Variants in MGAT5 observed in about 807,000 individuals in gnomAD.
MGAT5 encodes the protein alpha-1,6-mannosylglycoprotein 6-beta-N-acetylglucosaminyltransferase, also known as alpha-1,6-mannosylglycoprotein 6-beta-N-acetylglucosaminyltransferase A.
MGAT5 carries 30 observed loss-of-function variants against 94.3 expected under a neutral mutation model. The observed-to-expected ratio is 0.32, with a 90% CI of 0.24 to 0.43. MGAT5 has a LOEUF of 0.43. MGAT5 is among the 20% of genes least tolerant of loss of function. MGAT5 has a pLI of 1.00. For synonymous variants in MGAT5, 310 were observed against 322.9 expected (o/e 0.96, Z 0.43); for missense variants, 691 against 905.5 (o/e 0.76, Z 3.04).
chr2:134,271,919 A>G (rs1684052829), intron 2 of MGAT5, among the ~76,000 whole-genome samples: 1 of 152,154 alleles, frequency 6.6e-6, no homozygotes, highest in South Asian at 2.1e-4. Flanking sequence ...ATGCTACTGG[A>G]AAGGCCCTAT....
intron 1 of MGAT5, among the ~76,000 whole-genome samples, chr2:134,130,129 G>T (rs532913527): frequency 6.6e-6 from 1 of 152,188 alleles, no homozygotes; most frequent in African/African-American, 2.4e-5. Context: ...CACCAGGCTG[G>T]AATTCTCGCC....
intron 1 of MGAT5, among the ~76,000 whole-genome samples, chr2:134,174,371 C>T (rs565058879): frequency 2.5e-4 from 38 of 152,260 alleles, no homozygotes; most frequent in Non-Finnish European, 5.1e-4. Context: ...GATTTAGTTA[C>T]TGTGGGTCTG....
Position 134,321,874 on chromosome 2 carries a change from G to A in MGAT5, c.573+3135G>A, listed in dbSNP as rs545613986. Among the ~76,000 whole-genome samples, 4 of 152,234 alleles carry A rather than the reference G, an allele frequency of 2.6e-5. No individual in the cohort carries two copies. In the East Asian group the frequency reaches 7.7e-4, roughly 29 times the overall value. ...CAGGAGAATGGGTGGAGATAACTAGGGACCCCTTCTTACAAGTTTTAATCT... is the reference window on the plus strand; with the variant it reads ...CAGGAGAATGGGTGGAGATAACTAGAGACCCCTTCTTACAAGTTTTAATCT... On this transcript the variant is annotated intron_variant, in intron 4 of 15. Transcript: ENST00000281923.
chr2:134,407,797 C>T (rs1315238924), intron 11 of MGAT5, among the ~76,000 whole-genome samples: 1 of 152,192 alleles, frequency 6.6e-6, no homozygotes, highest in Non-Finnish European at 1.5e-5. Context: ...TTCACTGTCA[C>T]GCTGAGTGGG....
At chr2:134,381,832 G>A (rs773472369) in intron 10 of MGAT5, among the ~76,000 whole-genome samples, 1 of 152,180 alleles carries the variant, frequency 6.6e-6, no homozygotes, top group Admixed American at 6.5e-5. Flanking sequence ...ATTTCAATTT[G>A]TAATTCTTTA....
chr2:134,439,263 G>A (rs574310291), intron 14 of MGAT5, among the ~76,000 whole-genome samples: 1 of 152,224 alleles, frequency 6.6e-6, no homozygotes, highest in Non-Finnish European at 1.5e-5. Context: ...GGAAACTAAG[G>A]CTTCAGACTG....
chr2:134,239,643 A>G (rs1484919177), intron 1 of MGAT5, among the ~76,000 whole-genome samples: 1 of 151,824 alleles, frequency 6.6e-6, no homozygotes, highest in Non-Finnish European at 1.5e-5. Flanking sequence ...AGGTCAGCTG[A>G]TTAACCTTAA....
At chr2:134,321,875 G>A (rs779413035) in intron 4 of MGAT5, among the ~76,000 whole-genome samples, 19 of 152,130 alleles carry the variant, frequency 1.2e-4, no homozygotes, top group Non-Finnish European at 2.6e-4. Context: ...GATAACTAGG[G>A]ACCCCTTCTT....
chr2:134,286,123 C>A (rs572767212), intron 2 of MGAT5, among the ~76,000 whole-genome samples: 1 of 152,298 alleles, frequency 6.6e-6, no homozygotes, highest in African/African-American at 2.4e-5. Flanking sequence ...CTTACCCTTA[C>A]CAAAATTCAG....
At chr2:134,141,341 GT>G (rs1285902356) in intron 1 of MGAT5, among the ~76,000 whole-genome samples, 3 of 152,204 alleles carry the variant, frequency 2.0e-5, no homozygotes, top group Non-Finnish European at 4.4e-5. Context: ...GTGGTCACAT[GT>G]TTTTGTCTGC....
rs143213947 is a variant in MGAT5 at position 134,255,511 on chromosome 2, A to G, written c.241+867A>G. On this transcript the variant is annotated intron_variant, in intron 1 of 15. Transcript: ENST00000281923. ...CATATATATACACATATATACACAT[A>G]TATATATACACACACATATATATAT... Among the ~76,000 whole-genome samples the G allele has an allele frequency of 2.6e-3, 399 of 150,660 alleles. 2 individuals carry two copies. The highest frequency in any genetic ancestry group is 9.1e-3 in the African/African-American group (375 of 41,180).
chr2:134,128,881 G>A (rs1685982277), intron 1 of MGAT5, among the ~76,000 whole-genome samples: 1 of 152,154 alleles, frequency 6.6e-6, no homozygotes, highest in Admixed American at 6.5e-5. Flanking sequence ...ACCGTGTCTG[G>A]ACAGCTTTCC....
intron 14 of MGAT5, among the ~76,000 whole-genome samples, chr2:134,431,940 T>C (rs1218773758): frequency 1.3e-5 from 2 of 152,236 alleles, no homozygotes; most frequent in Non-Finnish European, 2.9e-5. Context: ...TGCTCTTTTC[T>C]CTTAATGTCC....
intron 1 of MGAT5, among the ~76,000 whole-genome samples, chr2:134,155,408 GA>G (rs958070568): frequency 6.6e-6 from 1 of 152,242 alleles, no homozygotes; most frequent in African/African-American, 2.4e-5. Flanking sequence ...AAGTTGGTCT[GA>G]TTGTGTTTCA....
At chr2:134,437,742 A>G (rs1685241501) in intron 14 of MGAT5, among the ~76,000 whole-genome samples, 1 of 152,170 alleles carries the variant, frequency 6.6e-6, no homozygotes, top group Admixed American at 6.5e-5. Context: ...GCGGGCTGAC[A>G]TGGTGGCTTA....
intron 1 of MGAT5, among the ~76,000 whole-genome samples, chr2:134,124,037 C>T (rs904381259): frequency 1.3e-5 from 2 of 152,240 alleles, no homozygotes; most frequent in Admixed American, 6.5e-5. Context: ...CCTATGTCAA[C>T]ATCCACATTT....
chr2:134,265,207 T>G (rs763402942), intron 1 of MGAT5, among the ~76,000 whole-genome samples: 11 of 152,166 alleles, frequency 7.2e-5, no homozygotes, highest in Non-Finnish European at 1.3e-4. Context: ...CAAATACGGA[T>G]TGATTTTGAT....
At chr2:134,388,004 C>T (rs1682137913) in intron 10 of MGAT5, among the ~76,000 whole-genome samples, 1 of 152,066 alleles carries the variant, frequency 6.6e-6, no homozygotes, top group Non-Finnish European at 1.5e-5. Context: ...TCCAAAATCT[C>T]CAGCTAAAAT....
intron 2 of MGAT5, among the ~76,000 whole-genome samples, chr2:134,316,825 G>A (rs911622532): frequency 4.6e-5 from 7 of 152,110 alleles, no homozygotes; most frequent in African/African-American, 1.7e-4. Flanking sequence ...AGAAAGAAAT[G>A]ACCCTTAGCT....
Sources: allele counts gnomAD v4.1 joint callset (sites outside exome capture counted in the v4.1 genomes callset), GRCh38; gene constraint gnomAD v4.1.1; transcripts MANE v1.5; gene names NCBI Gene and HGNC (gene_info 2026-07-23, HGNC 2026-07-21).